The following ANXA13 variants were observed in gnomAD, a reference collection of about 807,000 sequenced individuals.
ANXA13 encodes the protein annexin A13.
ANXA13 carries 36 observed loss-of-function variants against 46.6 expected under a neutral mutation model. The ratio of observed to expected loss-of-function variants is 0.77; its 90% CI spans 0.59 to 1.02. The LOEUF is 1.02. Among genes scored for constraint, ANXA13 ranks in the 50% least tolerant of loss-of-function variants. ANXA13 has a pLI of 0.00. For synonymous variants in ANXA13, 163 were observed against 152.9 expected, an observed-to-expected ratio of 1.07 and a Z score of -0.49; for missense variants, 417 against 396.5, an observed-to-expected ratio of 1.05 and a Z score of -0.44.
intron 1 of ANXA13, among the ~76,000 whole-genome samples, chr8:123,720,751 T>C (rs755983255): frequency 1.3e-5 from 2 of 151,758 alleles, no homozygotes; most frequent in Admixed American, 6.6e-5. Flanking sequence ...ATACTTTATA[T>C]TTAAAAATTT....
intron 1 of ANXA13, among the ~76,000 whole-genome samples, chr8:123,718,535 T>C (rs768690494): frequency 6.6e-6 from 1 of 152,222 alleles, no homozygotes; most frequent in Non-Finnish European, 1.5e-5. Flanking sequence ...CCATCATGCC[T>C]GGACCTCAGG....
At chr8:123,712,293 C>CA (rs1813674588) in intron 2 of ANXA13, 1 of 219,428 alleles carries the variant, frequency 4.6e-6, no homozygotes, top group African/African-American at 2.3e-5. Context: ...GAGGCCTCCT[C>CA]AGCCATGTGG....
At position 123,693,180 on chromosome 8, in the gene ANXA13, A is replaced by G. The variant is rs764919328; in HGVS notation, c.642+17T>C. On this transcript the variant is annotated intron_variant, in intron 8 of 10. Coordinates refer to ENST00000419625, the MANE Select transcript of ANXA13 (RefSeq NM_004306.4). The stretch of plus-strand genomic sequence containing the variant: ...CTTTCAGAGTGAACTCTTTTGCCCC[A>G]ATACTTTATGACTTACAATTTGATA... 3.7e-6 allele frequency: 6 copies of G among 1,609,658 alleles called. No individual in the cohort carries two copies. Among genetic ancestry groups the G allele is most frequent in the Non-Finnish European group, 5.1e-6 (6 of 1,176,204 alleles).
intron 2 of ANXA13, among the ~76,000 whole-genome samples, chr8:123,705,653 T>C (rs1411244920): frequency 1.3e-5 from 2 of 152,220 alleles, no homozygotes; most frequent in Non-Finnish European, 2.9e-5. Context: ...TGTCACTTAC[T>C]GCTGTCTTGC....
intron 10 of ANXA13, among the ~76,000 whole-genome samples, chr8:123,683,807 G>A (rs4871409): frequency 0.34 from 51,250 of 151,676 alleles, 8,999 homozygotes; most frequent in African/African-American, 0.39. Flanking sequence ...GGCCGGTCTC[G>A]AACTCCTGAC....
At chr8:123,705,127 C>T (rs1813516574) in intron 2 of ANXA13, among the ~76,000 whole-genome samples, 1 of 152,154 alleles carries the variant, frequency 6.6e-6, no homozygotes. Flanking sequence ...CTTTGAGGGC[C>T]CATCAGTCTT....
At chr8:123,736,993 C>T (rs146683873) in intron 1 of ANXA13, among the ~76,000 whole-genome samples, 1,934 of 150,940 alleles carry the variant, frequency 0.013, 49 homozygotes, top group African/African-American at 0.045. Context: ...GGACTACAGG[C>T]ATGTTCCACC....
intron 1 of ANXA13, among the ~76,000 whole-genome samples, chr8:123,722,761 C>T (rs775414917): frequency 1.4e-4 from 21 of 152,174 alleles, no homozygotes; most frequent in South Asian, 2.1e-4. Context: ...AATGTCACAG[C>T]GCTGGACAGG....
chr8:123,696,730 T>G (rs1166740163), intron 4 of ANXA13, among the ~76,000 whole-genome samples: 1 of 152,088 alleles, frequency 6.6e-6, no homozygotes, highest in East Asian at 1.9e-4. Context: ...CTCCCTTTTC[T>G]CCTTCCAACC....
intron 4 of ANXA13, 28 bp downstream of exon 4, chr8:123,698,361 C>T: frequency 6.2e-7 from 1 of 1,609,722 alleles, no homozygotes; most frequent in Non-Finnish European, 8.5e-7. Flanking sequence ...GTGTGTGATG[C>T]TCCCTTGCGG....
rs2129848767 is a variant in ANXA13 at position 123,695,685 on chromosome 8, T to TA, written c.391+2dup. On this transcript the variant is annotated splice_region_variant and intron_variant, in intron 5 of 10. Coordinates refer to ENST00000419625, the MANE Select transcript of ANXA13 (RefSeq NM_004306.4). ...TCCAAAGCCAGAATGAAAAGTCACT[T>TA]ACGCCTTTGGTAGGCCTCTTTAATG... The TA allele has an allele frequency of 6.2e-7, 1 of 1,613,736 alleles. No homozygotes were observed. Among genetic ancestry groups the TA allele is most frequent in the Non-Finnish European group, 8.5e-7 (1 of 1,179,768 alleles).
In ANXA13 at chr8:123,698,472, C is replaced by A. The variant is rs190459874; in HGVS notation, c.274G>T (p.Ala92Ser). The stretch of plus-strand genomic sequence containing the variant: ...TTCATAGCCTTCTGCAGCTGCCGGG[C>A]GGCGTACTCGCTGGGACGGTCCAGA... ...ALLDRPSEYAARQLQKAMKGL... is the reference protein window; with the variant it reads ...ALLDRPSEYASRQLQKAMKGL... Residue 92 changes from alanine to serine, a missense_variant, in exon 4 of 11, where the codon GCC (alanine) becomes TCC (serine). By Grantham distance (99) the Ala-to-Ser change is moderately conservative. Coordinates refer to ENST00000419625, the MANE Select transcript of ANXA13 (RefSeq NM_004306.4). 2 of 1,614,052 alleles carry A rather than the reference C, an allele frequency of 1.2e-6. No individual in the cohort carries two copies. Among genetic ancestry groups the A allele is most frequent in the South Asian group, 2.2e-5 (2 of 91,086 alleles).
chr8:123,695,803 C>T, intron 4 of ANXA13, 82 bp from the exon 5 acceptor site: 6 of 1,253,392 alleles, frequency 4.8e-6, no homozygotes, highest in Non-Finnish European at 6.9e-6. Flanking sequence ...AGGCGGGAGA[C>T]CATGTCTGGA....
chr8:123,733,732 G>A (rs1049703504), intron 1 of ANXA13, among the ~76,000 whole-genome samples: 9 of 152,182 alleles, frequency 5.9e-5, no homozygotes, highest in African/African-American at 2.2e-4. Flanking sequence ...ACAGTCCAGT[G>A]TTTCTCAAAC....
At chr8:123,736,825 A>C (rs1174022297) in intron 1 of ANXA13, among the ~76,000 whole-genome samples, 1 of 146,726 alleles carries the variant, frequency 6.8e-6, no homozygotes, top group Non-Finnish European at 1.5e-5. Context: ...TTGGCCAATA[A>C]GGGAATAATA....
intron 1 of ANXA13, among the ~76,000 whole-genome samples, chr8:123,717,883 C>A (rs1381710739): frequency 6.6e-6 from 1 of 152,250 alleles, no homozygotes; most frequent in Non-Finnish European, 1.5e-5. Context: ...CTCAGATGCG[C>A]TCGTGCTTGG....
At chr8:123,721,656 A>G (rs910691223) in intron 1 of ANXA13, among the ~76,000 whole-genome samples, 4 of 152,232 alleles carry the variant, frequency 2.6e-5, no homozygotes, top group African/African-American at 9.6e-5. Context: ...CTTGTCCTAA[A>G]TTAGAAATCA....
chr8:123,703,802 A>G (rs1192083727), intron 2 of ANXA13, among the ~76,000 whole-genome samples: 1 of 152,218 alleles, frequency 6.6e-6, no homozygotes, highest in Non-Finnish European at 1.5e-5. Context: ...ACTGAAAACT[A>G]TAGTGAATAA....
intron 1 of ANXA13, chr8:123,735,901 A>C (rs763940128): frequency 1.3e-6 from 2 of 1,577,796 alleles, no homozygotes; most frequent in Non-Finnish European, 1.7e-6. Context: ...AAAAATACAT[A>C]AAAATGCTGG....
Sources: gnomAD v4.1 joint callset for allele counts (sites outside exome capture counted in the v4.1 genomes callset) on GRCh38, gnomAD v4.1.1 for gene constraint, MANE v1.5 for transcripts, NCBI Gene and HGNC (gene_info 2026-07-23, HGNC 2026-07-21) for gene names.